The following NPR3 variants were observed in gnomAD, a reference collection of about 807,000 sequenced individuals.
NPR3 encodes the protein atrial natriuretic peptide receptor 3.
NPR3 carries 34 observed loss-of-function variants against 54.5 expected under a neutral mutation model. That is an observed-to-expected ratio of 0.62 (90% CI 0.47 to 0.83). The LOEUF is 0.83. NPR3 is among the 40% of genes least tolerant of loss of function. The probability of loss-of-function intolerance (pLI) is 0.00; values close to 1 mark genes in which losing one functional copy is unlikely to be tolerated. For synonymous variants in NPR3, 289 were observed against 297.1 expected (o/e 0.97, Z 0.28); for missense variants, 674 against 720.8 (o/e 0.94, Z 0.74).
At chr5:32,729,595 A>G (rs1347887816) in intron 2 of NPR3, among the ~76,000 whole-genome samples, 1 of 152,206 alleles carries the variant, frequency 6.6e-6, no homozygotes, top group Non-Finnish European at 1.5e-5. Context: ...AATGGCAGAT[A>G]GCTTACTACA....
upstream of NPR3, among the ~76,000 whole-genome samples, chr5:32,706,773 G>A (rs1345827693): frequency 6.6e-6 from 1 of 151,932 alleles, no homozygotes; most frequent in Admixed American, 6.6e-5. Context: ...ATTTGTAAAG[G>A]GCACTCATTT....
chr5:32,783,405 CAA>C (rs1285519914), intron 6 of NPR3: 1 of 174,210 alleles, frequency 5.7e-6, no homozygotes, highest in African/African-American at 2.4e-5. Context: ...TCCTCAGAAC[CAA>C]AGAGATAACA....
chr5:32,779,504 G>A (rs550929395), intron 4 of NPR3, among the ~76,000 whole-genome samples: 145 of 152,272 alleles, frequency 9.5e-4, no homozygotes, highest in Middle Eastern at 3.4e-3. Context: ...CCAGCCTTAC[G>A]TGTCACTGAC....
Position 32,791,250 on chromosome 5 carries a change from G to A in NPR3, c.*4905G>A, listed in dbSNP as rs1277087061. On this transcript the variant is annotated 3_prime_UTR_variant, in exon 8 of 8. Transcript: ENST00000265074. ...TTTGTGTTGGGTCCTGGGAATCTGA[G>A]CTTTGTTCCCTGTGCATGGTGGATA... 1 of 167,126 alleles carries A rather than the reference G, an allele frequency of 6.0e-6. No homozygotes were observed. Among genetic ancestry groups the A allele is most frequent in the East Asian group, 1.9e-4 (1 of 5,196 alleles). 10.4% of individuals were successfully genotyped at this position (167,126 alleles called of 1,614,324 possible). A position where few individuals can be genotyped will look rare whatever the true frequency, so the allele number is the denominator to read the frequency against.
intron 2 of NPR3, among the ~76,000 whole-genome samples, chr5:32,732,952 C>A (rs1184570379): frequency 6.6e-6 from 1 of 152,140 alleles, no homozygotes; most frequent in African/African-American, 2.4e-5. Flanking sequence ...TCAAGCAATT[C>A]TTCTGCCTCA....
chr5:32,776,335 A>AT (rs961334326), intron 4 of NPR3, among the ~76,000 whole-genome samples: 3 of 152,142 alleles, frequency 2.0e-5, no homozygotes, highest in Middle Eastern at 3.4e-3. Context: ...CACTTGTAAA[A>AT]TTTTTTTTGC....
chr5:32,712,354 G>A lies in NPR3; in HGVS notation c.578G>A (p.Arg193His), dbSNP rs1276101261. 2 of 1,612,806 alleles carry A rather than the reference G, an allele frequency of 1.2e-6. No homozygotes were observed. The highest frequency in any genetic ancestry group is 1.1e-5 in the South Asian group (1 of 90,966). Reference sequence around the variant, plus strand: ...GGCGAGATGATGCTCGCCCTGTTCCGCCACCACCACTGGAGCCGCGCTGCA... The same window carrying A: ...GGCGAGATGATGCTCGCCCTGTTCCACCACCACCACTGGAGCCGCGCTGCA... ...KMGEMMLALF[R>H]HHHWSRAALV... The change falls in exon 1 of 8, where the codon CGC (arginine) becomes CAC (histidine). Residue 193 changes from arginine to histidine, a missense_variant. Transcript: ENST00000265074.
intron 3 of NPR3, 33 bp downstream of exon 3, chr5:32,739,063 C>T (rs1376880509): frequency 6.3e-7 from 1 of 1,598,880 alleles, no homozygotes. Context: ...AGACCTTTAG[C>T]ATCCTGAAAA....
chr5:32,715,171 T>C (rs927209569), intron 1 of NPR3, among the ~76,000 whole-genome samples: 2 of 152,042 alleles, frequency 1.3e-5, no homozygotes, highest in Admixed American at 1.3e-4. Flanking sequence ...CTTATGTGAG[T>C]TTTCTTCTCT....
At chr5:32,745,087 G>A (rs568912820) in intron 3 of NPR3, among the ~76,000 whole-genome samples, 130 of 152,320 alleles carry the variant, frequency 8.5e-4, no homozygotes, top group Middle Eastern at 3.4e-3. Flanking sequence ...AATGTAACTA[G>A]TATATTGCAG....
At chr5:32,715,645 A>C (rs778941473) in intron 1 of NPR3, among the ~76,000 whole-genome samples, 1 of 152,240 alleles carries the variant, frequency 6.6e-6, no homozygotes, top group Admixed American at 6.5e-5. Context: ...TCACTTACAC[A>C]GCCAGCTACT....
At chr5:32,713,034 G>A (rs536613100) in intron 1 of NPR3, 45 of 378,594 alleles carry the variant, frequency 1.2e-4, no homozygotes, top group African/African-American at 8.7e-4. Context: ...CCGCTCTTGG[G>A]GTTTCTCTGA....
At chr5:32,729,014 G>GTTTTTTTTTT (rs769970888) in intron 2 of NPR3, among the ~76,000 whole-genome samples, 1 of 98,528 alleles carries the variant, frequency 1.0e-5, no homozygotes, top group Non-Finnish European at 2.0e-5. Flanking sequence ...GTGCCTGTGT[G>GTTTTTTTTTT]TTTTTTTTTT....
intron 1 of NPR3, among the ~76,000 whole-genome samples, chr5:32,718,196 T>C (rs1579597450): frequency 6.6e-6 from 1 of 152,244 alleles, no homozygotes; most frequent in Non-Finnish European, 1.5e-5. Flanking sequence ...TCCATTGGTC[T>C]ATATATTTGT....
chr5:32,776,539 T>C (rs192640497), intron 4 of NPR3, among the ~76,000 whole-genome samples: 3 of 152,244 alleles, frequency 2.0e-5, no homozygotes, highest in African/African-American at 7.2e-5. Context: ...TTGCTAACAG[T>C]GTATATAAGA....
intron 2 of NPR3, among the ~76,000 whole-genome samples, chr5:32,731,443 T>A (rs1430241895): frequency 6.6e-6 from 1 of 152,170 alleles, no homozygotes; most frequent in African/African-American, 2.4e-5. Context: ...CAAAGTAACA[T>A]AACTCTGCCC....
intron 3 of NPR3, 125 bp downstream of exon 3, chr5:32,739,155 C>A: frequency 3.5e-6 from 3 of 865,468 alleles, no homozygotes; most frequent in Non-Finnish European, 5.2e-6. Flanking sequence ...CTGAATGTCA[C>A]TGTTGCCTTC....
chr5:32,716,054 G>C (rs1738529400), intron 1 of NPR3, among the ~76,000 whole-genome samples: 1 of 152,318 alleles, frequency 6.6e-6, no homozygotes, highest in South Asian at 2.1e-4. Flanking sequence ...AGCTTTGTAG[G>C]CTGCACTGTG....
At position 32,736,265 on chromosome 5, in the gene NPR3, A is replaced by G. The variant is rs1443046694; in HGVS notation, c.893-2599A>G. Among the ~76,000 whole-genome samples, 11 of 151,784 alleles carry G rather than the reference A, an allele frequency of 7.2e-5. No individual in the cohort carries two copies. The East Asian group carries it at 2.1e-3, about 29-fold the overall frequency. On this transcript the variant is annotated intron_variant, in intron 2 of 7. Coordinates refer to ENST00000265074, the MANE Select transcript of NPR3 (RefSeq NM_001204375.2). Reference sequence around the variant, plus strand: ...AAAAAAAAAGAAAAAAAAAAGGAAAACAAAACTCCAAAGCCGTTACCTTTT... The same window carrying G: ...AAAAAAAAAGAAAAAAAAAAGGAAAGCAAAACTCCAAAGCCGTTACCTTTT...
Sources: allele counts gnomAD v4.1 joint callset (sites outside exome capture counted in the v4.1 genomes callset), GRCh38; gene constraint gnomAD v4.1.1; transcripts MANE v1.5; gene names NCBI Gene and HGNC (gene_info 2026-07-23, HGNC 2026-07-21).